PDE4B: variants seen among roughly 807,000 people sequenced by gnomAD.
PDE4B encodes phosphodiesterase 4B.
A neutral mutation model predicts 82.2 loss-of-function variants in PDE4B; 20 were observed. The observed-to-expected ratio is 0.24, with a 90% confidence interval of 0.17 to 0.35. The LOEUF (loss-of-function observed/expected upper bound fraction) is 0.35. PDE4B is among the 10% of genes least tolerant of loss of function. The pLI is 1.00. For missense variants in PDE4B, 655 were observed against 907.2 expected (o/e 0.72, Z 3.57); for synonymous variants, 320 against 318.9 (o/e 1.00, Z -0.04).
At chr1:66,332,241 C>T in intron 7 of PDE4B, 1 of 1,451,792 alleles carries the variant, frequency 6.9e-7, no homozygotes, top group East Asian at 2.5e-5. Context: ...CCGCCTTCTT[C>T]CTCAGAGGAA....
chr1:66,000,720 G>T (rs1651818497), intron 3 of PDE4B, among the ~76,000 whole-genome samples: 1 of 152,196 alleles, frequency 6.6e-6, no homozygotes, highest in African/African-American at 2.4e-5. Context: ...GAGATGATGT[G>T]CTCCCTTGAC....
At chr1:65,858,557 C>T (rs979763659) in intron 1 of PDE4B, among the ~76,000 whole-genome samples, 10 of 152,162 alleles carry the variant, frequency 6.6e-5, no homozygotes, top group Middle Eastern at 3.4e-3. Flanking sequence ...ATATGACATT[C>T]GATGTTGATT....
At chr1:66,077,677 C>T (rs921022251) in intron 3 of PDE4B, among the ~76,000 whole-genome samples, 2 of 152,224 alleles carry the variant, frequency 1.3e-5, no homozygotes, top group South Asian at 2.1e-4. Flanking sequence ...GTGTTTGGGA[C>T]AGTGCCAGGT....
rs922014820 is a variant in PDE4B, at chr1:66,374,083, A to C, written c.*1405A>C. On this transcript the variant is annotated 3_prime_UTR_variant, in exon 17 of 17. Coordinates refer to ENST00000341517, the MANE Select transcript of PDE4B (RefSeq NM_002600.4). ...AGTTGGGTTATAACTGGATCCTACT[A>C]TCATTGTGGCTTTGGTTCAAAAGGA... 6 of 152,650 alleles carry C rather than the reference A, an allele frequency of 3.9e-5. No individual in the cohort carries two copies. The highest frequency in any genetic ancestry group is 1.4e-4 in the African/African-American group (6 of 41,460). The allele number at this position is 152,650 out of a possible 1,614,324, so 9.5% of individuals were successfully genotyped here.
chr1:66,178,277 A>G (rs1043275971), intron 3 of PDE4B, among the ~76,000 whole-genome samples: 2 of 152,118 alleles, frequency 1.3e-5, no homozygotes, highest in African/African-American at 2.4e-5. Flanking sequence ...TTTATTCTTC[A>G]TAACAATCTA....
chr1:65,972,877 T>A (rs1423375388), intron 3 of PDE4B, among the ~76,000 whole-genome samples: 1 of 152,238 alleles, frequency 6.6e-6, no homozygotes, highest in East Asian at 1.9e-4. Context: ...GTTTGTTGAA[T>A]GCTACATTGG....
intron 3 of PDE4B, among the ~76,000 whole-genome samples, chr1:65,989,800 T>C (rs1045022011): frequency 2.0e-5 from 3 of 152,130 alleles, no homozygotes; most frequent in Admixed American, 1.3e-4. Flanking sequence ...GGATTTATTT[T>C]TACTGTGCTT....
Position 66,073,040 on chromosome 1 carries a change from A to G in PDE4B, c.281+154205A>G, listed in dbSNP as rs982360438. ...CTTTTTTTTTTTTGTACATTCAGCC[A>G]GTTCCTTATAGAAACATATTTGCCC... On this transcript the variant is annotated intron_variant, in intron 3 of 16. Coordinates refer to ENST00000341517, the MANE Select transcript of PDE4B (RefSeq NM_002600.4). Among the ~76,000 whole-genome samples the G allele has an allele frequency of 1.9e-3, 288 of 150,750 alleles. 3 individuals carry two copies. Among genetic ancestry groups the G allele is most frequent in the Non-Finnish European group, 1.5e-4 (10 of 67,806 alleles).
At chr1:66,009,055 CTT>C (rs1487894748) in intron 3 of PDE4B, among the ~76,000 whole-genome samples, 5 of 152,118 alleles carry the variant, frequency 3.3e-5, no homozygotes, top group African/African-American at 1.2e-4. Context: ...ACAGCCAAAA[CTT>C]AGCACATCCA....
chr1:66,216,993 G>T (rs986389483), intron 3 of PDE4B, among the ~76,000 whole-genome samples: 3 of 152,110 alleles, frequency 2.0e-5, no homozygotes, highest in Non-Finnish European at 4.4e-5. Context: ...ATCAAATAAA[G>T]CCTCGAACTT....
At chr1:66,064,100 G>A (rs1361926730) in intron 3 of PDE4B, among the ~76,000 whole-genome samples, 1 of 152,018 alleles carries the variant, frequency 6.6e-6, no homozygotes, top group Admixed American at 6.6e-5. Context: ...TTAAACGGAA[G>A]TAGATTTTCA....
chr1:66,247,476 G>A lies in PDE4B; in HGVS notation c.298G>A (p.Gly100Ser). 6.3e-7 allele frequency: 1 copy of A among 1,575,764 alleles called. No homozygotes were observed. Among genetic ancestry groups the A allele is most frequent in the Non-Finnish European group, 8.6e-7 (1 of 1,163,332 alleles). ...VSQECFDVEN[G>S]PSPGRSPLDP... ...CTCTTTAAGCTTTGATGTGGAAAAT[G>A]GCCCTTCCCCAGGTCGGAGTCCACT... Residue 100 changes from glycine (G) to serine (S), a missense_variant, in exon 4 of 17, where the codon GGC (glycine) becomes AGC (serine). Physicochemically the swap from Gly to Ser is moderately conservative, Grantham distance 56. Transcript: ENST00000341517.
At chr1:66,272,200 C>G (rs976615850) in intron 7 of PDE4B, among the ~76,000 whole-genome samples, 2 of 152,214 alleles carry the variant, frequency 1.3e-5, no homozygotes, top group African/African-American at 2.4e-5. Flanking sequence ...ACATGTGCCT[C>G]TTTCTGGGCA....
intron 3 of PDE4B, among the ~76,000 whole-genome samples, chr1:66,172,465 C>T (rs756214767): frequency 6.6e-6 from 1 of 152,096 alleles, no homozygotes; most frequent in Non-Finnish European, 1.5e-5. Context: ...GGGTATATGC[C>T]CAGTAATGGG....
At chr1:66,002,457 T>A (rs1036264173) in intron 3 of PDE4B, among the ~76,000 whole-genome samples, 40 of 152,066 alleles carry the variant, frequency 2.6e-4, no homozygotes, top group African/African-American at 9.7e-4. Flanking sequence ...TAACATGATT[T>A]TTCTTGCTGA....
intron 3 of PDE4B, among the ~76,000 whole-genome samples, chr1:65,937,649 G>A (rs996805366): frequency 6.6e-6 from 1 of 152,152 alleles, no homozygotes; most frequent in Non-Finnish European, 1.5e-5. Flanking sequence ...TTCAAGTACT[G>A]CAGTCAACAA....
At chr1:66,272,734 A>G (rs1056131548) in intron 7 of PDE4B, among the ~76,000 whole-genome samples, 1 of 137,582 alleles carries the variant, frequency 7.3e-6, no homozygotes, top group East Asian at 2.1e-4. Context: ...TATTGTCCTC[A>G]TTCTTTCCCC....
At chr1:65,839,216 T>C (rs960099935) in intron 1 of PDE4B, among the ~76,000 whole-genome samples, 2 of 152,186 alleles carry the variant, frequency 1.3e-5, no homozygotes, top group African/African-American at 4.8e-5. Flanking sequence ...TTGCTGTGAT[T>C]TTATTTTATT....
At chr1:66,238,345 TG>T (rs1412070381) in intron 3 of PDE4B, among the ~76,000 whole-genome samples, 1 of 152,010 alleles carries the variant, frequency 6.6e-6, no homozygotes, top group African/African-American at 2.4e-5. Context: ...TGGATGAGGA[TG>T]GGGGGTGTGG....
Sources: gnomAD v4.1 joint callset for allele counts (sites outside exome capture counted in the v4.1 genomes callset) on GRCh38, gnomAD v4.1.1 for gene constraint, MANE v1.5 for transcripts, NCBI Gene and HGNC (gene_info 2026-07-23, HGNC 2026-07-21) for gene names.